ELOA: variants seen among roughly 807,000 people sequenced by gnomAD.
ELOA encodes elongin A.
ELOA carries 15 observed loss-of-function variants against 85.2 expected under a neutral mutation model. The ratio of observed to expected loss-of-function variants is 0.18; its 90% confidence interval spans 0.12 to 0.27. The LOEUF is 0.27. Among genes scored for constraint, ELOA ranks in the 10% least tolerant of loss-of-function variants. ELOA has a pLI of 1.00. For synonymous variants in ELOA, 348 were observed against 357.2 expected (o/e 0.97, Z 0.29); for missense variants, 769 against 952.7 (o/e 0.81, Z 2.54).
At chr1:23,743,783 C>T (rs1644733920) in intron 1 of ELOA, among the ~76,000 whole-genome samples, 1 of 152,114 alleles carries the variant, frequency 6.6e-6, no homozygotes, top group Non-Finnish European at 1.5e-5. Flanking sequence ...GCCCCGGCCG[C>T]TCCCCCTCCC....
Position 23,751,658 on chromosome 1 carries a change from A to T in ELOA, c.1053A>T (p.Gly351=). The change falls in exon 4 of 11, where the codon GGA becomes GGT. Residue 351 remains glycine, a synonymous_variant. Transcript: ENST00000613537. Reference sequence around the variant, plus strand: ...AAGGTCTGGACAGCTTTGACACAGGAAAAGGAGCAGGAGACCTGTTGCCCA... The same window carrying T: ...AAGGTCTGGACAGCTTTGACACAGGTAAAGGAGCAGGAGACCTGTTGCCCA... ...SKQGLDSFDT[G]KGAGDLLPKV... The T allele has an allele frequency of 1.2e-6, 2 of 1,614,216 alleles. No homozygotes were observed. Among genetic ancestry groups the T allele is most frequent in the Non-Finnish European group, 1.7e-6 (2 of 1,180,044 alleles).
Position 23,761,965 on chromosome 1 carries a change from T to C in ELOA, c.*2392T>C, listed in dbSNP as rs1638306480. 1 of 152,202 alleles carries C rather than the reference T, an allele frequency of 6.6e-6. No homozygotes were observed. 9.4% of individuals were successfully genotyped at this position (152,202 alleles called of 1,614,324 possible). ...CCCAAAATGTAAATACAATTTTCTATGTTACTTTTTTGTGGTAACTACCGA... is the reference window on the plus strand; with the variant it reads ...CCCAAAATGTAAATACAATTTTCTACGTTACTTTTTTGTGGTAACTACCGA... On this transcript the variant is annotated 3_prime_UTR_variant, in exon 11 of 11. Transcript: ENST00000613537.
intron 10 of ELOA, among the ~76,000 whole-genome samples, chr1:23,758,651 C>G (rs747444155): frequency 1.0e-4 from 15 of 150,110 alleles, no homozygotes; most frequent in Non-Finnish European, 1.6e-4. Context: ...TAGACTATCC[C>G]CAGTATCCTA....
chr1:23,752,276 A>C (rs1644774817), intron 4 of ELOA, 131 bp from the exon 5 acceptor site: 2 of 878,148 alleles, frequency 2.3e-6, no homozygotes, highest in African/African-American at 1.7e-5. Flanking sequence ...GGTGTCAGAC[A>C]TGACTGTGGC....
intron 5 of ELOA, among the ~76,000 whole-genome samples, chr1:23,753,435 T>G (rs1158126487): frequency 6.6e-6 from 1 of 152,218 alleles, no homozygotes; most frequent in African/African-American, 2.4e-5. Context: ...CTGCTGCTGT[T>G]ATTAGCAGCC....
rs1213662251 is a variant in ELOA at position 23,760,700 on chromosome 1, T to G, written c.*1127T>G. 1 of 152,158 alleles carries G rather than the reference T, an allele frequency of 6.6e-6. No homozygotes were observed. Among genetic ancestry groups the G allele is most frequent in the Non-Finnish European group, 1.5e-5 (1 of 68,058 alleles). The allele number at this position is 152,158 out of a possible 1,614,324, so 9.4% of individuals were successfully genotyped here. Reference sequence around the variant, plus strand: ...TGGGAAGAGGACTTTGCTGCTGAAGTGTTTTCTACCTTCTGAGTGTGTTTA... The same window carrying G: ...TGGGAAGAGGACTTTGCTGCTGAAGGGTTTTCTACCTTCTGAGTGTGTTTA... On this transcript the variant is annotated 3_prime_UTR_variant, in exon 11 of 11. Transcript: ENST00000613537.
At chr1:23,757,828 A>G (rs1638220478) in intron 10 of ELOA, among the ~76,000 whole-genome samples, 1 of 152,016 alleles carries the variant, frequency 6.6e-6, no homozygotes, top group South Asian at 2.1e-4. Flanking sequence ...AAAAAAAAAA[A>G]AAGTGAAAGT....
At chr1:23,756,744 A>C (rs1485652849) in intron 9 of ELOA, among the ~76,000 whole-genome samples, 4 of 152,228 alleles carry the variant, frequency 2.6e-5, no homozygotes, top group African/African-American at 9.6e-5. Flanking sequence ...GATTTATACC[A>C]AAACAGTGAA....
intron 4 of ELOA, 141 bp from the exon 5 acceptor site, chr1:23,752,266 G>A: frequency 1.2e-6 from 1 of 819,348 alleles, no homozygotes; most frequent in Non-Finnish European, 1.9e-6. Context: ...TGACTGAGGT[G>A]GTGTCAGACA....
At chr1:23,750,616 T>C (rs1644765653) in intron 3 of ELOA, among the ~76,000 whole-genome samples, 1 of 152,220 alleles carries the variant, frequency 6.6e-6, no homozygotes, top group Admixed American at 6.5e-5. Context: ...TTTTCATGTA[T>C]ATGAGATATT....
At chr1:23,756,101 C>T in intron 8 of ELOA, 78 bp downstream of exon 8, 1 of 1,549,874 alleles carries the variant, frequency 6.5e-7, no homozygotes, top group South Asian at 1.2e-5. Flanking sequence ...GTGGGCTTGG[C>T]TGGTGTAGGA....
chr1:23,757,319 A>G (rs559030185), intron 10 of ELOA, among the ~76,000 whole-genome samples, 194 bp downstream of exon 10: 1 of 152,284 alleles, frequency 6.6e-6, no homozygotes, highest in African/African-American at 2.4e-5. Flanking sequence ...AAATAGTTAT[A>G]GTGAGTCTGG....
Position 23,754,198 on chromosome 1 carries a change from C to T in ELOA, c.1636C>T (p.Pro546Ser), listed in dbSNP as rs1644784696. Residue 546 changes from proline (P) to serine (S), a missense_variant, in exon 6 of 11, where the codon CCT becomes TCT. By Grantham distance (74) the Pro-to-Ser change is moderately conservative. Transcript: ENST00000613537. ...TTCTGGTTCCAAGTGTGCCTATCTCCCTAAAATGATGACCTTGCACCAGCA... is the reference window on the plus strand; with the variant it reads ...TTCTGGTTCCAAGTGTGCCTATCTCTCTAAAATGATGACCTTGCACCAGCA... ...VYSGSKCAYL[P>S]KMMTLHQQCI... 1.9e-6 allele frequency: 3 copies of T among 1,614,152 alleles called. No homozygotes were observed. The highest frequency in any genetic ancestry group is 2.2e-5 in the East Asian group (1 of 44,890).
In ELOA at chr1:23,761,238, T is replaced by A. The variant is rs1373765435; in HGVS notation, c.*1665T>A. 1 of 152,202 alleles carries A rather than the reference T, an allele frequency of 6.6e-6. No homozygotes were observed. The highest frequency in any genetic ancestry group is 6.5e-5 in the Admixed American group (1 of 15,274). 9.4% of individuals were successfully genotyped at this position (152,202 alleles called of 1,614,324 possible). A position where few individuals can be genotyped will look rare whatever the true frequency, so the allele number is the denominator to read the frequency against. On this transcript the variant is annotated 3_prime_UTR_variant, in exon 11 of 11. Transcript: ENST00000613537. ...GCATTACTTTACTTCTCTTGGTTAC[T>A]TGTACCACCATTCCACCCCTATCCC...
At chr1:23,756,483 T>C (rs949310523) in intron 9 of ELOA, 98 bp downstream of exon 9, 22 of 1,048,200 alleles carry the variant, frequency 2.1e-5, no homozygotes, top group Non-Finnish European at 9.9e-6. Context: ...AGTGAGGCAG[T>C]GCAGACTGTG....
chr1:23,761,757 G>A lies in ELOA; in HGVS notation c.*2184G>A, dbSNP rs1638297076. The A allele has an allele frequency of 6.6e-6, 1 of 152,138 alleles. No homozygotes were observed. Among genetic ancestry groups the A allele is most frequent in the African/African-American group, 2.4e-5 (1 of 41,420 alleles). 9.4% of individuals were successfully genotyped at this position (152,138 alleles called of 1,614,324 possible). ...GACACAGGATGAATTTGAACCTTTG[G>A]TCTCATTTATGGAAAAACTTGTGCA... On this transcript the variant is annotated 3_prime_UTR_variant, in exon 11 of 11. Transcript: ENST00000613537.
chr1:23,755,970 G>A lies in ELOA; in HGVS notation c.1919G>A (p.Arg640Gln). 1 of 1,613,788 alleles carries A rather than the reference G, an allele frequency of 6.2e-7. No individual in the cohort carries two copies. Among genetic ancestry groups the A allele is most frequent in the Non-Finnish European group, 8.5e-7 (1 of 1,179,972 alleles). ...CGGCTTCAGGACGCCCGAGAGCAGCGGCTACGAGTACTAACAAAGAATATC... is the reference window on the plus strand; with the variant it reads ...CGGCTTCAGGACGCCCGAGAGCAGCAGCTACGAGTACTAACAAAGAATATC... ...YLRLQDAREQ[R>Q]LRVLTKNIQF... The change falls in exon 8 of 11, where the codon CGG becomes CAG. Residue 640 changes from arginine (R) to glutamine (Q), a missense_variant. Physicochemically the swap from Arg to Gln is conservative, Grantham distance 43. Around this residue, in one of 4 missense-constraint regions of ELOA, gnomAD observed 20 missense variants for 58.8 expected, o/e 0.34. Coordinates refer to ENST00000613537, the MANE Select transcript of ELOA (RefSeq NM_003198.3).
Position 23,743,563 on chromosome 1 carries a change from C to T in ELOA, c.60C>T (p.Asn20=). The change falls in exon 1 of 11, where the codon AAC becomes AAT. Residue 20 remains asparagine, a synonymous_variant. Transcript: ENST00000613537. ...VEKLQARLAA[N]PDPKKLLKYL... is the part of the protein sequence containing the mutation. ...AGCTGCAGGCGCGCCTGGCCGCGAA[C>T]CCGGACCCTAAGAAGGTAAGCGAGG... 2 of 1,494,864 alleles carry T rather than the reference C, an allele frequency of 1.3e-6. No homozygotes were observed. The highest frequency in any genetic ancestry group is 8.9e-7 in the Non-Finnish European group (1 of 1,127,240). The allele number at this position is 1,494,864 out of a possible 1,614,324, so 92.6% of individuals were successfully genotyped here.
At chr1:23,757,717 T>C (rs749256542) in intron 10 of ELOA, among the ~76,000 whole-genome samples, 4 of 151,590 alleles carry the variant, frequency 2.6e-5, no homozygotes, top group African/African-American at 4.9e-5. Flanking sequence ...GCCAGGATGG[T>C]CTCGATCTCC....
Sources: allele counts gnomAD v4.1 joint callset (sites outside exome capture counted in the v4.1 genomes callset), GRCh38; gene constraint gnomAD v4.1.1; regional missense constraint gnomAD v4.1.1; transcripts MANE v1.5; gene names NCBI Gene and HGNC (gene_info 2026-07-23, HGNC 2026-07-21).